Variants in DMD observed in about 807,000 individuals in gnomAD.
The protein encoded by DMD is mutant dystrophin.
A neutral mutation model predicts 330.1 loss-of-function variants in DMD; 63 were observed. The ratio of observed to expected loss-of-function variants is 0.19; its 90% CI spans 0.16 to 0.24. DMD has a LOEUF of 0.24. Among genes scored for constraint, DMD ranks in the 10% least tolerant of loss-of-function variants. The pLI, the probability that DMD is intolerant of heterozygous loss-of-function variation, is 1.00. For synonymous variants in DMD, 1,223 were observed against 959.8 expected, an observed-to-expected ratio of 1.27 and a Z score of -5.07; for missense variants, 3,344 against 2,684.1, an observed-to-expected ratio of 1.25 and a Z score of -5.43.
intron 7 of DMD, among the ~76,000 whole-genome samples, chrX:32,795,168 CCAG>C (rs201983429): frequency 0.012 from 1,362 of 111,857 alleles, 17 homozygotes; most frequent in African/African-American, 0.042. Flanking sequence ...CGATCAAAGA[CCAG>C]CAGAGAGCCT....
intron 59 of DMD, among the ~76,000 whole-genome samples, chrX:31,465,057 T>C (rs1210962520): frequency 8.9e-6 from 1 of 112,114 alleles, no homozygotes; most frequent in East Asian, 2.8e-4. Flanking sequence ...AAGAAAGTGA[T>C]TTGACATTGC....
At chrX:33,025,217 G>A (rs1481456371) in intron 1 of DMD, among the ~76,000 whole-genome samples, 1 of 112,031 alleles carries the variant, frequency 8.9e-6, no homozygotes. Context: ...AAGTAAAGAA[G>A]GAATAAAGGT....
chrX:32,694,598 C>A (rs960285290), intron 9 of DMD, among the ~76,000 whole-genome samples: 2 of 112,197 alleles, frequency 1.8e-5, no homozygotes, highest in African/African-American at 6.5e-5. Context: ...GCTAGAGGAT[C>A]ATGAAACAGA....
chrX:31,204,743 C>T (rs2043894341), intron 66 of DMD, among the ~76,000 whole-genome samples: 2 of 112,073 alleles, frequency 1.8e-5, no homozygotes, highest in Admixed American at 9.4e-5. Flanking sequence ...CTGCCTCAGC[C>T]GCCTGAGTAG....
chrX:32,974,036 G>A (rs940423891), intron 2 of DMD, among the ~76,000 whole-genome samples: 2 of 111,379 alleles, frequency 1.8e-5, no homozygotes, highest in African/African-American at 3.3e-5. Context: ...AAAGCCTTAC[G>A]AATACCCGTA....
chrX:32,765,003 G>A (rs1243405061), intron 7 of DMD, among the ~76,000 whole-genome samples: 2 of 104,377 alleles, frequency 1.9e-5, no homozygotes, highest in Admixed American at 1.0e-4. Context: ...TCATCCTAAT[G>A]GGTGTGAAGT....
At chrX:31,574,657 C>T (rs1221783474) in intron 55 of DMD, among the ~76,000 whole-genome samples, 1 of 111,281 alleles carries the variant, frequency 9.0e-6, no homozygotes, top group Non-Finnish European at 1.9e-5. Context: ...GAAATGACTT[C>T]TCTGGGAGTT....
At chrX:31,453,437 C>G (rs2065909061) in intron 59 of DMD, among the ~76,000 whole-genome samples, 1 of 110,881 alleles carries the variant, frequency 9.0e-6, no homozygotes, top group Non-Finnish European at 1.9e-5. Flanking sequence ...GTTGAGATTA[C>G]AGGTGTGAGC....
chrX:31,237,260 T>C (rs1438136654), intron 63 of DMD, among the ~76,000 whole-genome samples: 11 of 112,301 alleles, frequency 9.8e-5, no homozygotes, highest in Non-Finnish European at 1.7e-4. Context: ...GCATGAATAA[T>C]GAGTCCAAGA....
Position 32,454,280 on chromosome X carries a change from A to C in DMD, c.3603+382T>G, listed in dbSNP as rs573070677. 3.3e-4 allele frequency among the ~76,000 whole-genome samples: 37 copies of C among 111,509 alleles called. No homozygotes were observed. In the South Asian group the frequency reaches 0.012, roughly 36 times the overall value. ...AGAAATGCCTTCAAACTACCAAATT[A>C]ACACAGTTTGTTGACTACATTATAA... On this transcript the variant is annotated intron_variant, in intron 26 of 78. Coordinates refer to ENST00000357033, the MANE Select transcript of DMD (RefSeq NM_004006.3).
intron 76 of DMD, among the ~76,000 whole-genome samples, chrX:31,143,726 G>A (rs1208461749): frequency 9.0e-6 from 1 of 111,576 alleles, no homozygotes; most frequent in East Asian, 2.8e-4. Context: ...GTGCTTTAAC[G>A]AGTATGCTGC....
At chrX:31,455,897 T>A (rs192299817) in intron 59 of DMD, among the ~76,000 whole-genome samples, 2 of 112,115 alleles carry the variant, frequency 1.8e-5, no homozygotes, top group East Asian at 2.8e-4. Flanking sequence ...ACTAGAAGAC[T>A]ACAAACCAAC....
chrX:31,935,054 G>A (rs1322395079), intron 45 of DMD, among the ~76,000 whole-genome samples: 1 of 111,651 alleles, frequency 9.0e-6, no homozygotes, highest in African/African-American at 3.3e-5. Context: ...GAATGCCTAC[G>A]GTGCTCTTCT....
intron 43 of DMD, among the ~76,000 whole-genome samples, chrX:32,231,064 A>T (rs2097167453): frequency 8.9e-6 from 1 of 112,317 alleles, no homozygotes; most frequent in African/African-American, 3.2e-5. Flanking sequence ...TTTAAGGCTC[A>T]AACATTTTAC....
At chrX:32,311,211 C>T (rs187039448) in intron 41 of DMD, among the ~76,000 whole-genome samples, 112 of 111,345 alleles carry the variant, frequency 1.0e-3, no homozygotes, top group African/African-American at 3.4e-3. Flanking sequence ...CAACTGCCAC[C>T]TGCCTGTTGA....
chrX:32,561,397 A>G (rs1472582147), intron 16 of DMD, among the ~76,000 whole-genome samples: 6 of 111,634 alleles, frequency 5.4e-5, no homozygotes, highest in African/African-American at 2.0e-4. Flanking sequence ...AAGCAGAGGA[A>G]AGAATCTCAG....
intron 7 of DMD, among the ~76,000 whole-genome samples, chrX:32,748,359 AG>A (rs201020087): frequency 4.8e-4 from 51 of 106,705 alleles, no homozygotes; most frequent in African/African-American, 1.6e-3. Context: ...AAAAAAAAAA[AG>A]AAAAGAAAAG....
chrX:31,802,977 T>C lies in DMD; in HGVS notation c.7309+16998A>G, dbSNP rs112200184. Among the ~76,000 whole-genome samples the C allele has an allele frequency of 4.7e-3, 522 of 111,739 alleles. 2 individuals carry two copies. The highest frequency in any genetic ancestry group is 0.023 in the Middle Eastern group (5 of 215). On this transcript the variant is annotated intron_variant, in intron 50 of 78. Coordinates refer to ENST00000357033, the MANE Select transcript of DMD (RefSeq NM_004006.3). ...GGGAGGAAATGCCAATCAAATGTAT[T>C]ATCATCAAGGTAATGCTTATGGACC...
intron 2 of DMD, among the ~76,000 whole-genome samples, chrX:32,977,910 T>C (rs149134702): frequency 0.029 from 3,274 of 111,183 alleles, 122 homozygotes; most frequent in African/African-American, 0.1. Flanking sequence ...AAAGAAAAAA[T>C]ACATTTTCAC....
Sources: gnomAD v4.1 joint callset for allele counts (sites outside exome capture counted in the v4.1 genomes callset) on GRCh38, gnomAD v4.1.1 for gene constraint, MANE v1.5 for transcripts, NCBI Gene and HGNC (gene_info 2026-07-23, HGNC 2026-07-21) for gene names.